Variants in C4orf51 observed in about 807,000 individuals in gnomAD.
C4orf51 encodes the protein chromosome 4 open reading frame 51.
C4orf51 carries 25 observed loss-of-function variants against 25.2 expected under a neutral mutation model. That is an observed-to-expected ratio of 0.99 (90% CI 0.72 to 1.39). The LOEUF is 1.39. Ranked by LOEUF, C4orf51 falls within the 40% of genes most tolerant of loss-of-function variation. The pLI, the probability that C4orf51 is intolerant of heterozygous loss-of-function variation, is 0.00. For synonymous variants in C4orf51, 100 were observed against 84.5 expected (o/e 1.18, Z -1.01); for missense variants, 252 against 239.6 (o/e 1.05, Z -0.34).
At chr4:145,706,965 C>G (rs1025907229) in intron 2 of C4orf51, among the ~76,000 whole-genome samples, 1 of 152,146 alleles carries the variant, frequency 6.6e-6, no homozygotes, top group Non-Finnish European at 1.5e-5. Context: ...GTGCCCACGA[C>G]CACGCCCGGC....
Position 145,709,547 on chromosome 4 carries a change from G to C in C4orf51, c.307+12915G>C, listed in dbSNP as rs115786791. Among the ~76,000 whole-genome samples, 437 of 152,362 alleles carry C rather than the reference G, an allele frequency of 2.9e-3. 2 individuals carry two copies. The highest frequency in any genetic ancestry group is 0.01 in the African/African-American group (421 of 41,584). ...GCTGCAGGAACATGAATTACAGGGA[G>C]TATGTGTTTAAGAAGTCACGTGGCA... On this transcript the variant is annotated intron_variant, in intron 2 of 5. Transcript: ENST00000438731.
intron 1 of C4orf51, among the ~76,000 whole-genome samples, chr4:145,689,713 A>G (rs1283218535): frequency 9.9e-5 from 15 of 152,174 alleles, no homozygotes; most frequent in Admixed American, 8.5e-4. Context: ...AAATTAAGCC[A>G]CACACCTACA....
chr4:145,764,909 A>G (rs756939211), intron 1 of C4orf51: 4 of 1,599,894 alleles, frequency 2.5e-6, no homozygotes, highest in East Asian at 4.5e-5. Flanking sequence ...CAAAACCTTC[A>G]CGGGAAGGGA....
intron 2 of C4orf51, among the ~76,000 whole-genome samples, chr4:145,708,041 C>G (rs1241611238): frequency 6.6e-6 from 1 of 152,212 alleles, no homozygotes; most frequent in Non-Finnish European, 1.5e-5. Flanking sequence ...AGCTTTTATC[C>G]CATTGGGGCA....
At chr4:145,774,321 G>C (rs113092990), downstream of C4orf51, among the ~76,000 whole-genome samples, 1 of 152,282 alleles carries the variant, frequency 6.6e-6, no homozygotes, top group East Asian at 1.9e-4. Context: ...GAGGCACAAG[G>C]CATGCCAGGA....
the C4orf51 span, among the ~76,000 whole-genome samples, chr4:145,791,122 G>C: frequency 6.6e-6 from 1 of 152,170 alleles, no homozygotes; most frequent in Non-Finnish European, 1.5e-5. Context: ...CAAAACACTG[G>C]ATGGCTTATA....
chr4:145,786,716 T>G, the C4orf51 span, among the ~76,000 whole-genome samples: 1 of 152,238 alleles, frequency 6.6e-6, no homozygotes, highest in East Asian at 1.9e-4. Flanking sequence ...AGCTACCACC[T>G]TCTGAGGGCT....
chr4:145,736,456 G>T (rs1314970390), downstream of C4orf51, among the ~76,000 whole-genome samples: 1 of 152,114 alleles, frequency 6.6e-6, no homozygotes, highest in Non-Finnish European at 1.5e-5. Flanking sequence ...CTGGGTCAAG[G>T]TCTGGGTGTA....
intron 2 of C4orf51, among the ~76,000 whole-genome samples, chr4:145,719,551 T>TGCACTCCAGCCTGG (rs2126744588): frequency 7.3e-6 from 1 of 137,288 alleles, no homozygotes; most frequent in East Asian, 2.2e-4. Flanking sequence ...ATTGCGCCAC[T>TGCACTCCAGCCTGG]GCACTCCAGC....
At chr4:145,787,892 C>A in the C4orf51 span, among the ~76,000 whole-genome samples, 1 of 152,102 alleles carries the variant, frequency 6.6e-6, no homozygotes, top group Non-Finnish European at 1.5e-5. Flanking sequence ...GTCAAGTAAC[C>A]GTTTCCACAG....
intron 1 of C4orf51, chr4:145,759,825 C>T (rs1465247287): frequency 1.3e-5 from 2 of 152,008 alleles, no homozygotes; most frequent in African/African-American, 4.8e-5. Flanking sequence ...CTGGATTTAT[C>T]AACCATAAAT....
intron 1 of C4orf51, among the ~76,000 whole-genome samples, chr4:145,764,537 A>C (rs1285794318): frequency 6.6e-6 from 1 of 152,178 alleles, no homozygotes; most frequent in Non-Finnish European, 1.5e-5. Context: ...CTGCCTGTTC[A>C]AACTGTCCAA....
Position 145,761,230 on chromosome 4 carries a change from G to A in C4orf51, n.167-9758G>A, listed in dbSNP as rs1406483680. 1 of 1,289,880 alleles carries A rather than the reference G, an allele frequency of 7.8e-7. No individual in the cohort carries two copies. The highest frequency in any genetic ancestry group is 1.0e-6 in the Non-Finnish European group (1 of 988,870). The allele number at this position is 1,289,880 out of a possible 1,614,324, so 79.9% of individuals were successfully genotyped here. On this transcript the variant is annotated intron_variant and non_coding_transcript_variant, in intron 1 of 1. Transcript: ENST00000510096. The surrounding 1 kb of genome is among the most constrained non-coding windows in gnomAD (Gnocchi z 6.8). ...CTTGACGTGGCGGCTGAAGACGAAAGGGTGTGTGGTCTTGAACAGGCACTC... is the reference window on the plus strand; with the variant it reads ...CTTGACGTGGCGGCTGAAGACGAAAAGGTGTGTGGTCTTGAACAGGCACTC...
chr4:145,681,656 A>C (rs940720184), intron 1 of C4orf51, among the ~76,000 whole-genome samples: 10 of 152,196 alleles, frequency 6.6e-5, no homozygotes, highest in Admixed American at 6.5e-4. Flanking sequence ...GAGAATGAGT[A>C]GTCCAAGAAC....
At chr4:145,749,434 T>C (rs939680580) in intron 1 of C4orf51, among the ~76,000 whole-genome samples, 2 of 152,146 alleles carry the variant, frequency 1.3e-5, no homozygotes, top group African/African-American at 4.8e-5. Flanking sequence ...TGAGGATTTA[T>C]TCCTGTCATT....
the C4orf51 span, among the ~76,000 whole-genome samples, chr4:145,780,924 C>T: frequency 1.3e-5 from 2 of 152,168 alleles, no homozygotes. Context: ...ACGCTGGGTG[C>T]AGTGGCTCAA....
the C4orf51 span, among the ~76,000 whole-genome samples, chr4:145,778,528 C>T: frequency 6.6e-6 from 1 of 152,158 alleles, no homozygotes; most frequent in Non-Finnish European, 1.5e-5. Flanking sequence ...GGAAGGATCA[C>T]TTGAACCCGG....
intron 1 of C4orf51, among the ~76,000 whole-genome samples, chr4:145,693,366 C>A (rs1022510749): frequency 1.3e-5 from 2 of 151,178 alleles, no homozygotes; most frequent in African/African-American, 4.8e-5. Flanking sequence ...CACAGATCAA[C>A]AGGATCCCAA....
intron 1 of C4orf51, among the ~76,000 whole-genome samples, chr4:145,681,814 A>G (rs1306833070): frequency 5.3e-5 from 8 of 152,266 alleles, no homozygotes; most frequent in African/African-American, 1.7e-4. Context: ...TGATTAATCT[A>G]TTTGTGGAGG....
Sources: allele counts gnomAD v4.1 joint callset (sites outside exome capture counted in the v4.1 genomes callset), GRCh38; gene constraint gnomAD v4.1.1; non-coding constraint Gnocchi (gnomAD v3.1); transcripts MANE v1.5; gene names NCBI Gene and HGNC (gene_info 2026-07-23, HGNC 2026-07-21).